The following GPATCH1 variants were observed in gnomAD, a reference collection of about 807,000 sequenced individuals.
The protein encoded by GPATCH1 is G patch domain-containing protein 1.
In GPATCH1, 73 loss-of-function variants were observed where a neutral mutation model predicts 114.9. The observed-to-expected ratio is 0.64, with a 90% CI of 0.53 to 0.77. The LOEUF (loss-of-function observed/expected upper bound fraction) is 0.77, where lower values mean the gene tolerates loss of function less well. Ranked by LOEUF, GPATCH1 falls within the 30% of genes least tolerant of loss-of-function variation. The pLI is 0.00. For missense variants in GPATCH1, 1,058 were observed against 1,144.3 expected (o/e 0.92, Z 1.09); for synonymous variants, 391 against 428.4 (o/e 0.91, Z 1.08).
intron 8 of GPATCH1, among the ~76,000 whole-genome samples, chr19:33,099,251 A>C (rs1972697486): frequency 6.6e-6 from 1 of 151,424 alleles, no homozygotes; most frequent in African/African-American, 2.4e-5. Context: ...TGAAATTGAT[A>C]ATATCCTATA....
At chr19:33,120,785 C>G (rs1190340331) in intron 17 of GPATCH1, among the ~76,000 whole-genome samples, 1 of 151,710 alleles carries the variant, frequency 6.6e-6, no homozygotes, top group African/African-American at 2.4e-5. Context: ...ATCAGGAGAT[C>G]GAGACCATCC....
chr19:33,108,551 C>T (rs1972813619), intron 10 of GPATCH1, among the ~76,000 whole-genome samples: 1 of 151,330 alleles, frequency 6.6e-6, no homozygotes, highest in Non-Finnish European at 1.5e-5. Context: ...ATGTTACTTT[C>T]TTCCAGCCTT....
chr19:33,091,413 CA>C (rs1184888892), intron 3 of GPATCH1, among the ~76,000 whole-genome samples: 11,738 of 44,896 alleles, frequency 0.26, 547 homozygotes, highest in African/African-American at 0.45. Flanking sequence ...GACTCCGTCT[CA>C]AAAAAAAAAA....
At chr19:33,099,450 T>G (rs1329276562) in intron 8 of GPATCH1, among the ~76,000 whole-genome samples, 1 of 151,996 alleles carries the variant, frequency 6.6e-6, no homozygotes. Flanking sequence ...TCCGAGCCTG[T>G]CCTTGTCCCT....
chr19:33,088,341 GC>G, intron 2 of GPATCH1, 73 bp downstream of exon 2: 1 of 1,114,766 alleles, frequency 9.0e-7, no homozygotes, highest in African/African-American at 1.7e-5. Context: ...CCTCACCCTT[GC>G]TTTTTTTTTT....
chr19:33,088,215 C>T lies in GPATCH1; in HGVS notation c.155C>T (p.Ala52Val). 1 of 1,603,912 alleles carries T rather than the reference C, an allele frequency of 6.2e-7. No individual in the cohort carries two copies. The highest frequency in any genetic ancestry group is 2.2e-5 in the East Asian group (1 of 44,732). Residue 52 changes from alanine (A) to valine (V), a missense_variant, in exon 2 of 20, where the codon GCC becomes GTC. Physicochemically the swap from Ala to Val is moderately conservative, Grantham distance 64 (BLOSUM62 0). Transcript: ENST00000170564. ...EKGRYKRFHG[A>V]FSGGFSAGYF... ...GGAAGGTATAAACGATTCCACGGGG[C>T]CTTTAGTGGAGGTTTCTCTGCTGGA... is the stretch of plus-strand genomic sequence containing the variant.
At chr19:33,108,864 C>T (rs1376273791) in intron 10 of GPATCH1, among the ~76,000 whole-genome samples, 1 of 152,178 alleles carries the variant, frequency 6.6e-6, no homozygotes, top group Non-Finnish European at 1.5e-5. Flanking sequence ...GTTCCCCATC[C>T]TGGAATCACT....
At chr19:33,112,835 G>A (rs992418751) in intron 13 of GPATCH1, 16 of 392,738 alleles carry the variant, frequency 4.1e-5, no homozygotes, top group Non-Finnish European at 6.3e-5. Flanking sequence ...CCATATTGAA[G>A]CTATGAAACT....
intron 1 of GPATCH1, among the ~76,000 whole-genome samples, chr19:33,081,639 A>G (rs1972477825): frequency 6.6e-6 from 1 of 152,130 alleles, no homozygotes; most frequent in African/African-American, 2.4e-5. Flanking sequence ...AAAGCATTTC[A>G]GGCAGAAGGA....
At chr19:33,099,680 C>T (rs1295317777) in intron 8 of GPATCH1, among the ~76,000 whole-genome samples, 4 of 151,928 alleles carry the variant, frequency 2.6e-5, no homozygotes, top group African/African-American at 9.7e-5. Flanking sequence ...CTCACTGCAA[C>T]CTCCGTCCCC....
At chr19:33,120,695 A>AT (rs1420728986) in intron 17 of GPATCH1, among the ~76,000 whole-genome samples, 2 of 151,926 alleles carry the variant, frequency 1.3e-5, no homozygotes, top group East Asian at 3.9e-4. Flanking sequence ...ACCCATCTCT[A>AT]TTTAAAAAAA....
chr19:33,082,659 T>C (rs566451146), intron 1 of GPATCH1, among the ~76,000 whole-genome samples: 1 of 151,818 alleles, frequency 6.6e-6, no homozygotes, highest in East Asian at 2.0e-4. Context: ...GCCTGGGCAT[T>C]GTAGTGAGAC....
chr19:33,096,952 CT>C (rs35729995), intron 7 of GPATCH1, among the ~76,000 whole-genome samples: 7 of 132,080 alleles, frequency 5.3e-5, no homozygotes, highest in Non-Finnish European at 4.8e-5. Flanking sequence ...TTCTTTCTTT[CT>C]TTTTTTTTTG....
At position 33,126,713 on chromosome 19, in the gene GPATCH1, G is replaced by A. The variant is rs757562627; in HGVS notation, c.2745G>A (p.Ser915=). The change falls in exon 19 of 20, where the codon TCG becomes TCA. Residue 915 remains serine, a synonymous_variant. Coordinates refer to ENST00000170564, the MANE Select transcript of GPATCH1 (RefSeq NM_018025.3). The stretch of plus-strand genomic sequence containing the variant: ...GTGACGAGGAAACCGCAGACGTGTC[G>A]CCCCAGGAGCTGCTGAGACGGTGGG... ...SQSDEETADV[S]PQELLRRLKS... is the part of the protein sequence containing the mutation. 20 of 1,612,906 alleles carry A rather than the reference G, an allele frequency of 1.2e-5. No individual in the cohort carries two copies. The highest frequency in any genetic ancestry group is 5.4e-5 in the African/African-American group (4 of 74,678).
intron 7 of GPATCH1, among the ~76,000 whole-genome samples, 158 bp from the exon 8 acceptor site, chr19:33,097,597 G>A (rs1375367084): frequency 2.0e-5 from 3 of 152,136 alleles, no homozygotes; most frequent in African/African-American, 7.2e-5. Flanking sequence ...GAAAACTTGT[G>A]TGTGTGTTGG....
intron 18 of GPATCH1, among the ~76,000 whole-genome samples, chr19:33,126,120 T>A (rs951568089): frequency 1.4e-4 from 22 of 152,222 alleles, no homozygotes; most frequent in Admixed American, 2.0e-4. Context: ...GAAGAAAATG[T>A]GTGCCGACCA....
intron 14 of GPATCH1, 33 bp downstream of exon 14, chr19:33,113,936 C>T: frequency 6.2e-7 from 1 of 1,604,604 alleles, no homozygotes; most frequent in Non-Finnish European, 8.5e-7. Context: ...CTCTGATTGA[C>T]CAGGGCCTCA....
Position 33,088,210 on chromosome 19 carries a change from C to A in GPATCH1, c.150C>A (p.His50Gln), listed in dbSNP as rs138128078. 1 of 1,603,244 alleles carries A rather than the reference C, an allele frequency of 6.2e-7. No homozygotes were observed. Among genetic ancestry groups the A allele is most frequent in the South Asian group, 1.1e-5 (1 of 90,396 alleles). The stretch of plus-strand genomic sequence containing the variant: ...AAAAAGGAAGGTATAAACGATTCCA[C>A]GGGGCCTTTAGTGGAGGTTTCTCTG... ...RDEKGRYKRFHGAFSGGFSAG... is the reference protein window; with the variant it reads ...RDEKGRYKRFQGAFSGGFSAG... Residue 50 changes from histidine to glutamine, a missense_variant, in exon 2 of 20, where the codon CAC becomes CAA. His to Gln is a conservative substitution (Grantham distance 24, BLOSUM62 0). Transcript: ENST00000170564.
At chr19:33,127,489 C>T (rs1973055226) in intron 19 of GPATCH1, among the ~76,000 whole-genome samples, 1 of 150,210 alleles carries the variant, frequency 6.7e-6, no homozygotes, top group South Asian at 2.1e-4. Flanking sequence ...GCCCTCCAGC[C>T]TGGGCGACAG....
Sources: gnomAD v4.1 joint callset for allele counts (sites outside exome capture counted in the v4.1 genomes callset) on GRCh38, gnomAD v4.1.1 for gene constraint, MANE v1.5 for transcripts, NCBI Gene and HGNC (gene_info 2026-07-23, HGNC 2026-07-21) for gene names.